The following EHD2 variants were observed in gnomAD, a reference collection of about 807,000 sequenced individuals.
EHD2 encodes EH domain-containing protein 2.
In EHD2, 27 loss-of-function variants were observed where a neutral mutation model predicts 41.0. That is an observed-to-expected ratio of 0.66 (90% CI 0.49 to 0.91). EHD2 has a LOEUF of 0.91. Ranked by LOEUF, EHD2 falls within the 40% of genes least tolerant of loss-of-function variation. EHD2 has a pLI of 0.00. For missense variants in EHD2, 673 were observed against 773.9 expected, an observed-to-expected ratio of 0.87 and a Z score of 1.55; for synonymous variants, 342 against 341.0, an observed-to-expected ratio of 1.00 and a Z score of -0.03.
chr19:47,721,377 C>T (rs569890695), intron 3 of EHD2, among the ~76,000 whole-genome samples: 4 of 151,458 alleles, frequency 2.6e-5, no homozygotes, highest in Admixed American at 1.3e-4. Context: ...TGCAGTGGTG[C>T]GACCTCGGCT....
chr19:47,718,599 G>C lies in EHD2; in HGVS notation c.495G>C (p.Val165=). The C allele has an allele frequency of 6.4e-7, 1 of 1,560,548 alleles. No individual in the cohort carries two copies. The highest frequency in any genetic ancestry group is 8.7e-7 in the Non-Finnish European group (1 of 1,151,356). The change falls in exon 3 of 6, where the codon GTG becomes GTC. Residue 165 remains valine (V), a synonymous_variant. Transcript: ENST00000263277. ...TCCTGTCGGGTGCCAAGCAGAGAGT[G>C]AGCCGCGGTGAGTGGGGCCAGACCC... ...PGILSGAKQR[V]SRGYDFPAVL...
At chr19:47,718,273 CAAAAA>C (rs58873230) in intron 2 of EHD2, among the ~76,000 whole-genome samples, 1 of 91,944 alleles carries the variant, frequency 1.1e-5, no homozygotes. Context: ...AACTCTGTCT[CAAAAA>C]AAAAAAAAAA....
rs919447145 is a variant in EHD2, at chr19:47,742,116, C to T, written c.*684C>T. On this transcript the variant is annotated 3_prime_UTR_variant, in exon 6 of 6. Transcript: ENST00000263277. ...GGGAAAGCCCCCAATTCTGCCCACA[C>T]CCATTTATTTCCTTCCTTCCTTCCT... 2 of 344,840 alleles carry T rather than the reference C, an allele frequency of 5.8e-6. No homozygotes were observed. Among genetic ancestry groups the T allele is most frequent in the African/African-American group, 2.2e-5 (1 of 45,028 alleles). 21.4% of individuals were successfully genotyped at this position (344,840 alleles called of 1,614,324 possible). A position where few individuals can be genotyped will look rare whatever the true frequency, so the allele number is the denominator to read the frequency against.
chr19:47,723,653 GAAAA>G (rs11407002), intron 3 of EHD2, among the ~76,000 whole-genome samples: 66 of 71,362 alleles, frequency 9.2e-4, no homozygotes, highest in Non-Finnish European at 1.5e-3. Flanking sequence ...GACTCCGTCT[GAAAA>G]AAAAAAAAAA....
At chr19:47,721,715 T>A (rs937657121) in intron 3 of EHD2, among the ~76,000 whole-genome samples, 1 of 152,072 alleles carries the variant, frequency 6.6e-6, no homozygotes, top group African/African-American at 2.4e-5. Context: ...CTGGGCGCAG[T>A]GGTTCACGCC....
chr19:47,716,135 G>C (rs192578127), intron 1 of EHD2, among the ~76,000 whole-genome samples: 1 of 140,778 alleles, frequency 7.1e-6, no homozygotes, highest in African/African-American at 2.7e-5. Context: ...GCAGCGGCAT[G>C]ATCATAGCTC....
At position 47,726,008 on chromosome 19, in the gene EHD2, C is replaced by T. The variant is rs576144192; in HGVS notation, c.699C>T (p.Tyr233=). The T allele has an allele frequency of 1.1e-5, 17 of 1,606,040 alleles. No homozygotes were observed. In the African/African-American group the frequency reaches 1.1e-4, roughly 10 times the overall value. Residue 233 remains tyrosine (Y), a synonymous_variant, in exon 4 of 6, where the codon TAC becomes TAT. Transcript: ENST00000263277. ...AGACGCAGCAGCTGATGCGCGTCTACGGCGCGCTCATGTGGGCGCTGGGCA... is the reference window on the plus strand; with the variant it reads ...AGACGCAGCAGCTGATGCGCGTCTATGGCGCGCTCATGTGGGCGCTGGGCA... ...MVETQQLMRV[Y]GALMWALGKV... is the part of the protein sequence containing the mutation.
At chr19:47,715,704 C>T (rs565498606) in intron 1 of EHD2, among the ~76,000 whole-genome samples, 1 of 152,274 alleles carries the variant, frequency 6.6e-6, no homozygotes, top group Non-Finnish European at 1.5e-5. Context: ...TCTTGGTCTT[C>T]CACTACCACC....
At chr19:47,717,505 G>A (rs530160944) in intron 2 of EHD2, among the ~76,000 whole-genome samples, 2 of 152,202 alleles carry the variant, frequency 1.3e-5, no homozygotes, top group Non-Finnish European at 2.9e-5. Context: ...GGAGCACCTA[G>A]GCTAGTGAAG....
At chr19:47,722,497 T>C (rs775910915) in intron 3 of EHD2, among the ~76,000 whole-genome samples, 4 of 151,834 alleles carry the variant, frequency 2.6e-5, no homozygotes, top group South Asian at 2.1e-4. Context: ...CGGAGGAGCA[T>C]AGGGGCCCAT....
In EHD2 at chr19:47,740,989, C is replaced by T; in HGVS notation, c.1189C>T (p.Leu397=). The T allele has an allele frequency of 5.0e-6, 8 of 1,611,718 alleles. No homozygotes were observed. Among genetic ancestry groups the T allele is most frequent in the Non-Finnish European group, 6.8e-6 (8 of 1,179,918 alleles). ...THDIAKLMPL[L]RQEELESTEV... ...CGACATCGCCAAGCTCATGCCCCTG[C>T]TGCGGCAGGAGGAGCTGGAGAGCAC... Residue 397 remains leucine (L), a synonymous_variant, in exon 6 of 6, where the codon CTG becomes TTG. Transcript: ENST00000263277.
chr19:47,731,273 A>ATATAT (rs1219980161), intron 4 of EHD2: 7 of 26,648 alleles, frequency 2.6e-4, no homozygotes, highest in African/African-American at 4.1e-4. Flanking sequence ...TCTTTAAAAA[A>ATATAT]AAAAAAATAT....
chr19:47,714,775 C>T (rs774469384), intron 1 of EHD2, among the ~76,000 whole-genome samples: 38 of 152,116 alleles, frequency 2.5e-4, no homozygotes, highest in Non-Finnish European at 5.0e-4. Context: ...TGGCACACAC[C>T]TGTAATCCCA....
rs1442923955 is a variant in EHD2 at position 47,741,864 on chromosome 19, T to A, written c.*432T>A. 2.2e-6 allele frequency: 1 copy of A among 461,630 alleles called. No individual in the cohort carries two copies. The highest frequency in any genetic ancestry group is 4.3e-6 in the Non-Finnish European group (1 of 230,836). 28.6% of individuals were successfully genotyped at this position (461,630 alleles called of 1,614,324 possible). A position where few individuals can be genotyped will look rare whatever the true frequency, so the allele number is the denominator to read the frequency against. The stretch of plus-strand genomic sequence containing the variant: ...CCTACACAGTCACGCAAACACACAC[T>A]AATTCCTGGCAGGGCCCCCAGCCCC... On this transcript the variant is annotated 3_prime_UTR_variant, in exon 6 of 6. Transcript: ENST00000263277. This position sits in a 1 kb window ranked among gnomAD's most constrained non-coding sequence, Gnocchi z 4.5.
chr19:47,739,107 T>A (rs186357971), intron 5 of EHD2, among the ~76,000 whole-genome samples: 1 of 151,826 alleles, frequency 6.6e-6, no homozygotes, highest in Non-Finnish European at 1.5e-5. Flanking sequence ...CCCTGCACAC[T>A]TTTTTGTTTT....
intron 5 of EHD2, among the ~76,000 whole-genome samples, chr19:47,737,088 G>A (rs1482825970): frequency 2.6e-5 from 4 of 152,050 alleles, no homozygotes; most frequent in Non-Finnish European, 4.4e-5. Flanking sequence ...AAAATTAGCT[G>A]GGTGTGGTGG....
chr19:47,735,298 C>G (rs1427060815), intron 4 of EHD2, among the ~76,000 whole-genome samples: 1 of 152,056 alleles, frequency 6.6e-6, no homozygotes, highest in Non-Finnish European at 1.5e-5. Flanking sequence ...GGGAGTGGAC[C>G]TCTTGGAGGG....
rs753054861 is a variant in EHD2 at position 47,719,727 on chromosome 19, G to C, written c.502+1121G>C. ...AGGAGGCAGCTGCAGAAACGATTGG[G>C]AGGACACGCTGCCAGCTGAGGGGGA... On this transcript the variant is annotated intron_variant, in intron 3 of 5. Transcript: ENST00000263277. This position sits in a 1 kb window ranked among gnomAD's most constrained non-coding sequence, Gnocchi z 4.1. Among the ~76,000 whole-genome samples, 1 of 152,126 alleles carries C rather than the reference G, an allele frequency of 6.6e-6. No individual in the cohort carries two copies. Among genetic ancestry groups the C allele is most frequent in the East Asian group, 1.9e-4 (1 of 5,170 alleles).
At position 47,719,041 on chromosome 19, in the gene EHD2, CCTGG is replaced by C. The variant is rs1973667225; in HGVS notation, c.502+441_502+444del. ...GGGACTTGGGCCTGTGTCCTCTGGC[CCTGG>C]CTGGCGGGGCAGCCGCAGGGAGCTA... On this transcript the variant is annotated intron_variant, in intron 3 of 5. Coordinates refer to ENST00000263277, the MANE Select transcript of EHD2 (RefSeq NM_014601.4). The surrounding 1 kb of genome is among the most constrained non-coding windows in gnomAD (Gnocchi z 4.1). 6.6e-6 allele frequency among the ~76,000 whole-genome samples: 1 copy of C among 152,150 alleles called. No homozygotes were observed. The highest frequency in any genetic ancestry group is 2.4e-5 in the African/African-American group (1 of 41,438).
Sources: gnomAD v4.1 joint callset for allele counts (sites outside exome capture counted in the v4.1 genomes callset) on GRCh38, gnomAD v4.1.1 for gene constraint, Gnocchi (gnomAD v3.1) non-coding constraint, MANE v1.5 for transcripts, NCBI Gene and HGNC (gene_info 2026-07-23, HGNC 2026-07-21) for gene names.